PRSS12: variants seen among roughly 807,000 people sequenced by gnomAD.
PRSS12 encodes the protein serine protease 12, also known as neurotrypsin.
Under a neutral mutation model 104.4 loss-of-function variants are expected in PRSS12, and 85 were observed. The ratio of observed to expected loss-of-function variants is 0.81; its 90% confidence interval spans 0.68 to 0.98. The LOEUF (loss-of-function observed/expected upper bound fraction) is 0.98. PRSS12 is among the 50% of genes least tolerant of loss of function. The probability of loss-of-function intolerance (pLI) is 0.00; values close to 1 mark genes in which losing one functional copy is unlikely to be tolerated. For missense variants in PRSS12, 1,141 were observed against 1,139.2 expected (o/e 1.00, Z -0.02); for synonymous variants, 454 against 425.2 (o/e 1.07, Z -0.83).
chr4:118,326,355 T>C (rs575961734), intron 4 of PRSS12, among the ~76,000 whole-genome samples: 2 of 152,244 alleles, frequency 1.3e-5, no homozygotes, highest in African/African-American at 2.4e-5. Flanking sequence ...ACAGTGCTTT[T>C]AGACATACTA....
intron 7 of PRSS12, among the ~76,000 whole-genome samples, chr4:118,310,370 T>G (rs1409846999): frequency 6.6e-6 from 1 of 152,246 alleles, no homozygotes; most frequent in East Asian, 1.9e-4. Context: ...AAAGTGTTTT[T>G]AAAGTATAAC....
At chr4:118,316,790 C>T (rs1000666970) in intron 5 of PRSS12, among the ~76,000 whole-genome samples, 1 of 139,484 alleles carries the variant, frequency 7.2e-6, no homozygotes, top group African/African-American at 2.6e-5. Context: ...CCACTGCCCT[C>T]CAGTCTGGGC....
rs75159887 is a variant in PRSS12, at chr4:118,314,166, C to T, written c.1293-769G>A. ...ATCCAAACCTCCAGAAATCACGGAG[C>T]TTAAAAATCTTTAAGACACCTTTCA... is the stretch of plus-strand genomic sequence containing the variant. On this transcript the variant is annotated intron_variant, in intron 6 of 12. Coordinates refer to ENST00000296498, the MANE Select transcript of PRSS12 (RefSeq NM_003619.4). Among the ~76,000 whole-genome samples the T allele has an allele frequency of 4.9e-3, 739 of 152,142 alleles. 10 individuals carry two copies. Among genetic ancestry groups the T allele is most frequent in the African/African-American group, 0.017 (715 of 41,538 alleles).
intron 8 of PRSS12, among the ~76,000 whole-genome samples, chr4:118,307,944 T>C (rs1198059900): frequency 1.3e-5 from 2 of 151,958 alleles, no homozygotes; most frequent in Admixed American, 6.6e-5. Context: ...AGAGGACAAC[T>C]GTTAACAAGT....
At chr4:118,347,695 T>C (rs1724392876) in intron 1 of PRSS12, among the ~76,000 whole-genome samples, 1 of 152,152 alleles carries the variant, frequency 6.6e-6, no homozygotes, top group East Asian at 1.9e-4. Context: ...TGTGTTTGTT[T>C]TGCTTGTTTT....
At chr4:118,318,613 A>ATTT in intron 4 of PRSS12, 57 bp from the exon 5 acceptor site, 1 of 1,313,102 alleles carries the variant, frequency 7.6e-7, no homozygotes, top group Non-Finnish European at 1.0e-6. Context: ...TTGGTCTTTT[A>ATTT]TTTTTTTTTT....
In PRSS12 at chr4:118,295,063, TAAG is replaced by T; in HGVS notation, c.1917-5_1917-3del. ...GAAACCTGCCAAGGCCAACCACCCC[TAAG>T]AAGAAAATGAGCTACACATCAACGT... is the stretch of plus-strand genomic sequence containing the variant. On this transcript the variant is annotated splice_region_variant and splice_polypyrimidine_tract_variant and intron_variant, in intron 10 of 12. Coordinates refer to ENST00000296498, the MANE Select transcript of PRSS12 (RefSeq NM_003619.4). The T allele has an allele frequency of 6.2e-7, 1 of 1,613,758 alleles. No individual in the cohort carries two copies. The highest frequency in any genetic ancestry group is 8.5e-7 in the Non-Finnish European group (1 of 1,179,968).
intron 11 of PRSS12, among the ~76,000 whole-genome samples, chr4:118,287,421 A>G (rs1743038803): frequency 2.6e-5 from 4 of 152,222 alleles, no homozygotes; most frequent in Admixed American, 2.6e-4. Flanking sequence ...AAGTGCTGAG[A>G]TTATAGGTAC....
chr4:118,317,701 T>C (rs543313814), intron 5 of PRSS12, among the ~76,000 whole-genome samples: 3 of 152,366 alleles, frequency 2.0e-5, no homozygotes, highest in South Asian at 2.1e-4. Context: ...TGGTATTTCA[T>C]AGATTCTAAC....
chr4:118,342,099 G>A (rs1724228514), intron 1 of PRSS12, among the ~76,000 whole-genome samples: 1 of 152,128 alleles, frequency 6.6e-6, no homozygotes, highest in South Asian at 2.1e-4. Flanking sequence ...TTGTCCCACA[G>A]CTGTACAAAG....
At chr4:118,321,016 T>A (rs540976599) in intron 4 of PRSS12, among the ~76,000 whole-genome samples, 2 of 152,200 alleles carry the variant, frequency 1.3e-5, no homozygotes, top group Non-Finnish European at 2.9e-5. Flanking sequence ...TGTAACACAG[T>A]GGACTCTGAG....
At chr4:118,304,884 AT>A (rs1445953436) in intron 8 of PRSS12, among the ~76,000 whole-genome samples, 1 of 151,310 alleles carries the variant, frequency 6.6e-6, no homozygotes, top group Non-Finnish European at 1.5e-5. Flanking sequence ...TACCATTTTG[AT>A]TCTCAGTATT....
rs113606277 is a variant in PRSS12, at chr4:118,317,725, T to G, written c.1150+653A>C. Among the ~76,000 whole-genome samples the G allele has an allele frequency of 1.3e-3, 201 of 152,348 alleles. 3 individuals carry two copies. Among genetic ancestry groups the G allele is most frequent in the African/African-American group, 4.4e-3 (182 of 41,598 alleles). ...ATAGATTCTAACAAGTTATTGATTT[T>G]CACTAAAGAAATATGTAAACAAAAC... On this transcript the variant is annotated intron_variant, in intron 5 of 12. Coordinates refer to ENST00000296498, the MANE Select transcript of PRSS12 (RefSeq NM_003619.4).
rs765387681 is a variant in PRSS12, at chr4:118,298,881, A to G, written c.1689T>C (p.His563=). 5 of 1,614,166 alleles carry G rather than the reference A, an allele frequency of 3.1e-6. No individual in the cohort carries two copies. The highest frequency in any genetic ancestry group is 1.7e-5 in the Admixed American group (1 of 60,024). The change falls in exon 9 of 13, where the codon CAT becomes CAC. Residue 563 remains histidine, a synonymous_variant. Transcript: ENST00000296498. ...AYFGEGKGPI[H]VDNVKCTGNE... ...TTCCTGTGCACTTCACATTATCCAC[A>G]TGGATGGGTCCTTTTCCTTCTCCAA...
rs776887302 is a variant in PRSS12, at chr4:118,313,382, T to C, written c.1308A>G (p.Ala436=). The stretch of plus-strand genomic sequence containing the variant: ...TGCTTTCTTCAAAATGGTTGGCAGA[T>C]GCTTGTTTACCATATCTGTGACAAT... ...RQLGFKYGKQ[A]SANHFEESTG... is the part of the protein sequence containing the mutation. The change falls in exon 7 of 13, where the codon GCA becomes GCG. Residue 436 remains alanine (A), a synonymous_variant. Coordinates refer to ENST00000296498, the MANE Select transcript of PRSS12 (RefSeq NM_003619.4). The C allele has an allele frequency of 1.2e-6, 2 of 1,614,014 alleles. No individual in the cohort carries two copies. The highest frequency in any genetic ancestry group is 1.7e-5 in the Admixed American group (1 of 59,994).
chr4:118,291,539 T>A (rs1030993147), intron 11 of PRSS12, among the ~76,000 whole-genome samples: 1 of 152,148 alleles, frequency 6.6e-6, no homozygotes, highest in Non-Finnish European at 1.5e-5. Context: ...ACATTTGTGG[T>A]ATCTGAAGCA....
intron 6 of PRSS12, 91 bp downstream of exon 6, chr4:118,316,091 T>C (rs751397503): frequency 7.2e-7 from 1 of 1,384,818 alleles, no homozygotes; most frequent in Non-Finnish European, 1.0e-6. Context: ...GTATTTTTAT[T>C]ATTATAAAAA....
chr4:118,296,123 A>T (rs1418205472), intron 9 of PRSS12, among the ~76,000 whole-genome samples: 1 of 152,224 alleles, frequency 6.6e-6, no homozygotes, highest in East Asian at 1.9e-4. Flanking sequence ...CCAGTACTTT[A>T]TCCTGGTAGG....
At position 118,316,298 on chromosome 4, in the gene PRSS12, C is replaced by T. The variant is rs1743909231; in HGVS notation, c.1176G>A (p.Gly392=). Reference sequence around the variant, plus strand: ...CCAAGCGACCCTCATGGCTGCCTTTCCCACCTGCAAGTCTGATGACCCCAT... The same window carrying T: ...CCAAGCGACCCTCATGGCTGCCTTTTCCACCTGCAAGTCTGATGACCCCAT... ...LTDGVIRLAG[G]KGSHEGRLEV... Residue 392 remains glycine (G), a synonymous_variant, in exon 6 of 13, where the codon GGG becomes GGA. Transcript: ENST00000296498. 1 of 1,613,926 alleles carries T rather than the reference C, an allele frequency of 6.2e-7. No individual in the cohort carries two copies. Among genetic ancestry groups the T allele is most frequent in the Non-Finnish European group, 8.5e-7 (1 of 1,180,000 alleles).
Sources: gnomAD v4.1 joint callset for allele counts (sites outside exome capture counted in the v4.1 genomes callset) on GRCh38, gnomAD v4.1.1 for gene constraint, MANE v1.5 for transcripts, NCBI Gene and HGNC (gene_info 2026-07-23, HGNC 2026-07-21) for gene names.